CNBD2: variants seen among roughly 807,000 people sequenced by gnomAD.
CNBD2 encodes the protein cyclic nucleotide-binding domain-containing protein 2.
A neutral mutation model predicts 63.7 loss-of-function variants in CNBD2; 64 were observed. That is an observed-to-expected ratio of 1.00 (90% CI 0.82 to 1.24). CNBD2 has a LOEUF of 1.24. Ranked by LOEUF, CNBD2 falls within the 50% of genes most tolerant of loss-of-function variation. The pLI, the probability that CNBD2 is intolerant of heterozygous loss-of-function variation, is 0.00. For synonymous variants in CNBD2, 229 were observed against 255.4 expected (o/e 0.90, Z 0.99); for missense variants, 691 against 713.5 (o/e 0.97, Z 0.36).
intron 1 of CNBD2, among the ~76,000 whole-genome samples, chr20:35,971,025 G>A (rs986945649): frequency 6.8e-5 from 10 of 146,554 alleles, no homozygotes; most frequent in South Asian, 2.1e-4. Flanking sequence ...TCGGCTCACT[G>A]CAAGCTCCGC....
At chr20:35,972,080 T>A in intron 1 of CNBD2, among the ~76,000 whole-genome samples, 1 of 152,216 alleles carries the variant, frequency 6.6e-6, no homozygotes. Context: ...GCAAGAAGTC[T>A]GACATGGATG....
At chr20:36,021,337 T>C (rs1210144707) in intron 10 of CNBD2, among the ~76,000 whole-genome samples, 1 of 152,220 alleles carries the variant, frequency 6.6e-6, no homozygotes, top group Admixed American at 6.5e-5. Flanking sequence ...TTCTCACTCA[T>C]ATGTGGGACC....
chr20:36,023,971 C>T (rs1568932177), intron 11 of CNBD2, among the ~76,000 whole-genome samples, 200 bp downstream of exon 11: 1 of 152,096 alleles, frequency 6.6e-6, no homozygotes, highest in Non-Finnish European at 1.5e-5. Flanking sequence ...TAAAACTGTC[C>T]CAACACTTTG....
chr20:36,025,533 A>G (rs937742514), intron 11 of CNBD2, among the ~76,000 whole-genome samples: 1 of 152,098 alleles, frequency 6.6e-6, no homozygotes, highest in Non-Finnish European at 1.5e-5. Context: ...TGGGGGTCTC[A>G]TTACGTTGCC....
rs183893776 is a variant in CNBD2, at chr20:36,007,495, C to T, written c.971-802C>T. On this transcript the variant is annotated intron_variant, in intron 8 of 11. Transcript: ENST00000373973. Reference sequence around the variant, plus strand: ...CTCTCATGGAGGGCCTATTATATGTCGGTGCTGTGCTAGGCATATCACATA... The same window carrying T: ...CTCTCATGGAGGGCCTATTATATGTTGGTGCTGTGCTAGGCATATCACATA... Among the ~76,000 whole-genome samples the T allele has an allele frequency of 3.0e-3, 449 of 152,140 alleles. 6 individuals carry two copies. Among genetic ancestry groups the T allele is most frequent in the Admixed American group, 0.026 (403 of 15,270 alleles).
At chr20:35,954,698 G>A (rs2056232803), upstream of CNBD2, 1 of 1,100,018 alleles carries the variant, frequency 9.1e-7, no homozygotes, top group African/African-American at 1.6e-5. Flanking sequence ...GAGCCTGAAT[G>A]TTTGGAGATA....
chr20:36,025,571 C>T (rs1490908374), intron 11 of CNBD2, among the ~76,000 whole-genome samples: 1 of 151,922 alleles, frequency 6.6e-6, no homozygotes, highest in Non-Finnish European at 1.5e-5. Flanking sequence ...AGTCCTCCTG[C>T]CTTGGTCTTC....
chr20:36,001,350 G>A (rs1250460008), intron 8 of CNBD2, among the ~76,000 whole-genome samples: 1 of 147,508 alleles, frequency 6.8e-6, no homozygotes, highest in East Asian at 2.1e-4. Flanking sequence ...GGGCGGGGCG[G>A]CTGGCAGGGT....
chr20:35,960,783 ATTCTCTTCCC>A (rs1568838693), intron 2 of CNBD2, among the ~76,000 whole-genome samples: 14 of 28,012 alleles, frequency 5.0e-4, no homozygotes, highest in African/African-American at 8.0e-4. Flanking sequence ...CTTCTCTTCC[ATTCTCTTCCC>A]TTCTCTTCCC....
rs575842816 is a variant in CNBD2, at chr20:36,030,417, C to T, written c.1500C>T (p.Asp500=). The T allele has an allele frequency of 3.1e-6, 5 of 1,614,160 alleles. No homozygotes were observed. The African/African-American group carries it at 6.7e-5, about 22-fold the overall frequency. The part of the protein sequence containing the change: ...QQNSWNIFRK[D]LLQLLVEPCQ... ...ACAGCTGGAATATCTTTCGGAAGGA[C>T]CTGTTGCAGCTGCTCGTGGAGCCTT... The change falls in exon 12 of 12, where the codon GAC becomes GAT. Residue 500 remains aspartate, a synonymous_variant. Coordinates refer to ENST00000373973, the MANE Select transcript of CNBD2 (RefSeq NM_001365709.1).
intron 10 of CNBD2, among the ~76,000 whole-genome samples, chr20:36,018,087 C>T (rs774039052): frequency 1.3e-4 from 20 of 152,212 alleles, no homozygotes; most frequent in Non-Finnish European, 2.4e-4. Context: ...TACATTTATA[C>T]GTCTTTGTTA....
chr20:36,025,798 A>C (rs1399140797), intron 11 of CNBD2, among the ~76,000 whole-genome samples: 1 of 152,088 alleles, frequency 6.6e-6, no homozygotes, highest in African/African-American at 2.4e-5. Context: ...GCTATTACTA[A>C]AAAGTGTTCA....
At chr20:35,977,949 T>C (rs2056543630) in intron 3 of CNBD2, among the ~76,000 whole-genome samples, 1 of 152,332 alleles carries the variant, frequency 6.6e-6, no homozygotes, top group Middle Eastern at 3.4e-3. Flanking sequence ...TGGATTCTGA[T>C]GGACAACTAA....
At chr20:36,029,632 T>G (rs1414151070) in intron 11 of CNBD2, among the ~76,000 whole-genome samples, 1 of 152,242 alleles carries the variant, frequency 6.6e-6, no homozygotes, top group Admixed American at 6.5e-5. Flanking sequence ...CAGGACTAGC[T>G]TGTAGCCATG....
At chr20:36,004,359 G>C (rs1046903832) in intron 8 of CNBD2, among the ~76,000 whole-genome samples, 4 of 152,088 alleles carry the variant, frequency 2.6e-5, no homozygotes, top group African/African-American at 9.7e-5. Context: ...CTGGTTCCCT[G>C]CTCTGTGGAC....
chr20:36,008,539 A>G (rs2147321706), intron 9 of CNBD2, 65 bp downstream of exon 9: 1 of 1,463,242 alleles, frequency 6.8e-7, no homozygotes, highest in Non-Finnish European at 9.2e-7. Context: ...TAATACTTAT[A>G]TGGCAGAATG....
intron 11 of CNBD2, 122 bp downstream of exon 11, chr20:36,023,893 G>A: frequency 2.5e-6 from 2 of 810,400 alleles, no homozygotes; most frequent in African/African-American, 1.8e-5. Flanking sequence ...GAAACTGGGA[G>A]TTGTTGGTAC....
intron 4 of CNBD2, among the ~76,000 whole-genome samples, chr20:35,983,310 T>C (rs1206643790): frequency 2.0e-5 from 3 of 151,958 alleles, no homozygotes; most frequent in Admixed American, 6.5e-5. Context: ...ATTTAACTTA[T>C]TGAATGAATG....
chr20:36,006,368 T>G (rs996305178), intron 8 of CNBD2, among the ~76,000 whole-genome samples: 1 of 152,092 alleles, frequency 6.6e-6, no homozygotes, highest in Non-Finnish European at 1.5e-5. Context: ...CGTATAATTT[T>G]TATATAATAG....
Sources: allele counts gnomAD v4.1 joint callset (sites outside exome capture counted in the v4.1 genomes callset), GRCh38; gene constraint gnomAD v4.1.1; transcripts MANE v1.5; gene names NCBI Gene and HGNC (gene_info 2026-07-23, HGNC 2026-07-21).